PLPP4: variants seen among roughly 807,000 people sequenced by gnomAD.
PLPP4 encodes the protein phospholipid phosphatase 4, also known as diacylglycerol pyrophosphate like 2.
Under a neutral mutation model 32.2 loss-of-function variants are expected in PLPP4, and 20 were observed. That is an observed-to-expected ratio of 0.62 (90% CI 0.44 to 0.90). The LOEUF is 0.90. PLPP4 is among the 40% of genes least tolerant of loss of function. The probability of loss-of-function intolerance (pLI) is 0.00; values close to 1 mark genes in which losing one functional copy is unlikely to be tolerated. For missense variants in PLPP4, 257 were observed against 353.1 expected (o/e 0.73, Z 2.18); for synonymous variants, 127 against 133.0 (o/e 0.95, Z 0.31).
intron 6 of PLPP4, among the ~76,000 whole-genome samples, chr10:120,586,431 C>A (rs1283910871): frequency 2.0e-5 from 3 of 151,796 alleles, no homozygotes; most frequent in African/African-American, 7.3e-5. Flanking sequence ...GACCTATTTT[C>A]TAAATGCACC....
chr10:120,505,269 G>T (rs991404608), intron 2 of PLPP4, among the ~76,000 whole-genome samples: 1 of 152,250 alleles, frequency 6.6e-6, no homozygotes, highest in Non-Finnish European at 1.5e-5. Flanking sequence ...TGCCCTGAGG[G>T]TTGGGGGCAG....
rs889537009 is a variant in PLPP4, at chr10:120,590,794, G to A, written c.*1292G>A. On this transcript the variant is annotated 3_prime_UTR_variant, in exon 7 of 7. Transcript: ENST00000398250. ...TTTTTTTTTTTTTTTTTGAGATGGA[G>A]TCTCGCTGTGTCGAGACTGCACTGG... is the stretch of plus-strand genomic sequence containing the variant. Among the ~76,000 whole-genome samples, 1 of 142,594 alleles carries A rather than the reference G, an allele frequency of 7.0e-6. No individual in the cohort carries two copies. The highest frequency in any genetic ancestry group is 2.7e-5 in the African/African-American group (1 of 37,464). 93.5% of individuals were successfully genotyped at this position (142,594 alleles called of 152,430 possible).
intron 1 of PLPP4, among the ~76,000 whole-genome samples, chr10:120,466,110 C>T (rs911810870): frequency 9.2e-5 from 14 of 152,078 alleles, no homozygotes; most frequent in Admixed American, 3.3e-4. Context: ...CCAGCTATAC[C>T]TCTAAAAGCA....
rs145053228 is a variant in PLPP4 at position 120,507,433 on chromosome 10, G to C, written c.165+3507G>C. Among the ~76,000 whole-genome samples, 713 of 151,858 alleles carry C rather than the reference G, an allele frequency of 4.7e-3. 4 individuals carry two copies. The highest frequency in any genetic ancestry group is 7.2e-3 in the Non-Finnish European group (487 of 67,956). On this transcript the variant is annotated intron_variant, in intron 2 of 6. Transcript: ENST00000398250. ...ACAGTAAACATTTCTTGAATTCAGG[G>C]GCTGTGCTTATCACTTTATAAAGAA...
intron 6 of PLPP4, among the ~76,000 whole-genome samples, chr10:120,585,152 A>G (rs1849694596): frequency 6.6e-6 from 1 of 152,202 alleles, no homozygotes; most frequent in Non-Finnish European, 1.5e-5. Context: ...GGGTTAGAGG[A>G]AAAACAAAAC....
chr10:120,473,626 A>T (rs1245467257), intron 1 of PLPP4, among the ~76,000 whole-genome samples: 1 of 152,114 alleles, frequency 6.6e-6, no homozygotes, highest in Non-Finnish European at 1.5e-5. Context: ...CCCAAATCTC[A>T]TGTTGAATTG....
At chr10:120,554,670 G>A (rs1326168191) in intron 5 of PLPP4, among the ~76,000 whole-genome samples, 1 of 152,132 alleles carries the variant, frequency 6.6e-6, no homozygotes, top group African/African-American at 2.4e-5. Flanking sequence ...GAGCATGACG[G>A]GGAGGTCTCA....
intron 6 of PLPP4, among the ~76,000 whole-genome samples, chr10:120,576,397 C>T (rs118060329): frequency 2.7e-3 from 418 of 152,262 alleles, no homozygotes; most frequent in Non-Finnish European, 4.8e-3. Flanking sequence ...CTACCTTTTC[C>T]GGGGGTTTGT....
intron 1 of PLPP4, among the ~76,000 whole-genome samples, chr10:120,463,696 T>C (rs1848180553): frequency 6.6e-6 from 1 of 152,214 alleles, no homozygotes; most frequent in Non-Finnish European, 1.5e-5. Flanking sequence ...TTGTTTTGTT[T>C]TATTTTGAAG....
rs555478662 is a variant in PLPP4 at position 120,488,227 on chromosome 10, A to G, written c.57-15591A>G. 3.9e-5 allele frequency among the ~76,000 whole-genome samples: 6 copies of G among 152,286 alleles called. No homozygotes were observed. In the South Asian group the frequency reaches 1.2e-3, roughly 32 times the overall value. On this transcript the variant is annotated intron_variant, in intron 1 of 6. Transcript: ENST00000398250. ...GCCAGCCCCCCTTGAGTGGTTTATA[A>G]AGCATTTTCACATTTATTATCTTAT...
chr10:120,482,748 C>CA (rs554260096), intron 1 of PLPP4, among the ~76,000 whole-genome samples: 9,924 of 140,684 alleles, frequency 0.071, 366 homozygotes, highest in South Asian at 0.13. Context: ...ACTGAAAATA[C>CA]AAAAAAAAAA....
intron 1 of PLPP4, among the ~76,000 whole-genome samples, chr10:120,487,884 C>CATT (rs1379582851): frequency 3.3e-5 from 5 of 152,316 alleles, no homozygotes; most frequent in African/African-American, 1.2e-4. Flanking sequence ...TTGGTGGCTA[C>CATT]TTTTTACCTG....
At chr10:120,504,608 T>C (rs1845411008) in intron 2 of PLPP4, among the ~76,000 whole-genome samples, 1 of 152,228 alleles carries the variant, frequency 6.6e-6, no homozygotes, top group Non-Finnish European at 1.5e-5. Context: ...TAGTGCCTAT[T>C]TTATTTTTAA....
intron 5 of PLPP4, among the ~76,000 whole-genome samples, chr10:120,548,422 T>C (rs1028146107): frequency 2.6e-5 from 4 of 152,216 alleles, no homozygotes; most frequent in African/African-American, 9.6e-5. Flanking sequence ...TTCTTTTTCA[T>C]GGCTGCATAG....
intron 5 of PLPP4, among the ~76,000 whole-genome samples, chr10:120,570,447 A>G (rs1848882577): frequency 6.6e-6 from 1 of 152,184 alleles, no homozygotes; most frequent in Non-Finnish European, 1.5e-5. Flanking sequence ...TTGTGTGTTC[A>G]GTGCCAGAAA....
At position 120,560,781 on chromosome 10, in the gene PLPP4, G is replaced by A. The variant is rs186685016; in HGVS notation, c.446-14350G>A. On this transcript the variant is annotated intron_variant, in intron 5 of 6. Transcript: ENST00000398250. ...AAAAAACAAAAATAAAAAAATAGTG[G>A]TATTAATTTTAATGGTAAAAACTGA... Among the ~76,000 whole-genome samples the A allele has an allele frequency of 2.5e-3, 374 of 152,144 alleles. 7 individuals are homozygous for A. Among genetic ancestry groups the A allele is most frequent in the African/African-American group, 8.5e-3 (353 of 41,512 alleles).
At chr10:120,514,029 G>A (rs1178228343) in intron 3 of PLPP4, 28 bp downstream of exon 3, 1 of 1,489,572 alleles carries the variant, frequency 6.7e-7, no homozygotes, top group Non-Finnish European at 9.4e-7. Flanking sequence ...CCTGCTTTAG[G>A]GAATGGGGCT....
Position 120,591,821 on chromosome 10 carries a change from G to A in PLPP4, c.*2319G>A, listed in dbSNP as rs1343023375. 6.6e-6 allele frequency among the ~76,000 whole-genome samples: 1 copy of A among 152,172 alleles called. No individual in the cohort carries two copies. Among genetic ancestry groups the A allele is most frequent in the Non-Finnish European group, 1.5e-5 (1 of 68,030 alleles). Reference sequence around the variant, plus strand: ...AAAGTAACAACAGAGTATTACTAATGCTGATAATTACATGGAAAATCCTAA... The same window carrying A: ...AAAGTAACAACAGAGTATTACTAATACTGATAATTACATGGAAAATCCTAA... On this transcript the variant is annotated 3_prime_UTR_variant, in exon 7 of 7. Coordinates refer to ENST00000398250, the MANE Select transcript of PLPP4 (RefSeq NM_001030059.3).
intron 5 of PLPP4, among the ~76,000 whole-genome samples, chr10:120,551,204 G>C (rs1847885677): frequency 6.6e-6 from 1 of 152,104 alleles, no homozygotes; most frequent in African/African-American, 2.4e-5. Context: ...AATTAGAATA[G>C]CTAAATTCAA....
Sources: gnomAD v4.1 joint callset for allele counts (sites outside exome capture counted in the v4.1 genomes callset) on GRCh38, gnomAD v4.1.1 for gene constraint, MANE v1.5 for transcripts, NCBI Gene and HGNC (gene_info 2026-07-23, HGNC 2026-07-21) for gene names.